The following DOK6 variants were observed in gnomAD, a reference collection of about 807,000 sequenced individuals.
The protein encoded by DOK6 is downstream of tyrosine kinase 6.
DOK6 carries 22 observed loss-of-function variants against 44.0 expected under a neutral mutation model. The ratio of observed to expected loss-of-function variants is 0.50; its 90% CI spans 0.36 to 0.71. DOK6 has a LOEUF of 0.71. Ranked by LOEUF, DOK6 falls within the 30% of genes least tolerant of loss-of-function variation. The pLI, the probability that DOK6 is intolerant of heterozygous loss-of-function variation, is 0.00. For missense variants in DOK6, 340 were observed against 416.4 expected (o/e 0.82, Z 1.60); for synonymous variants, 166 against 145.5 (o/e 1.14, Z -1.01).
At chr18:69,658,013 A>G (rs1211473718) in intron 3 of DOK6, among the ~76,000 whole-genome samples, 1 of 152,106 alleles carries the variant, frequency 6.6e-6, no homozygotes, top group Non-Finnish European at 1.5e-5. Flanking sequence ...ATGCAGTGGC[A>G]TGATCATGGC....
At chr18:69,652,019 T>C (rs996143502) in intron 3 of DOK6, among the ~76,000 whole-genome samples, 1 of 152,210 alleles carries the variant, frequency 6.6e-6, no homozygotes, top group East Asian at 1.9e-4. Context: ...CTAGTGTCCT[T>C]GTGCTTCTCT....
intron 5 of DOK6, among the ~76,000 whole-genome samples, chr18:69,717,183 A>G (rs1471230269): frequency 6.6e-6 from 1 of 152,200 alleles, no homozygotes; most frequent in Non-Finnish European, 1.5e-5. Flanking sequence ...GACTCGTTTT[A>G]TTCCATAAAC....
At chr18:69,565,511 GTGTGTGTGTGTATATATATA>G (rs1982952286) in intron 2 of DOK6, among the ~76,000 whole-genome samples, 1 of 48,568 alleles carries the variant, frequency 2.1e-5, no homozygotes, top group South Asian at 6.2e-4. Flanking sequence ...GTGTGTGTGT[GTGTGTGTGTGTATATATATA>G]TACATAATTT....
intron 3 of DOK6, among the ~76,000 whole-genome samples, chr18:69,651,678 G>A (rs780664722): frequency 1.3e-5 from 2 of 151,564 alleles, no homozygotes; most frequent in East Asian, 1.9e-4. Flanking sequence ...GAGTAAAGAC[G>A]GGGTTTCACC....
chr18:69,646,854 A>G (rs1215448454), intron 3 of DOK6, among the ~76,000 whole-genome samples: 1 of 152,110 alleles, frequency 6.6e-6, no homozygotes, highest in African/African-American at 2.4e-5. Context: ...CTATTTCTCC[A>G]TCAGGGTGGG....
intron 6 of DOK6, among the ~76,000 whole-genome samples, chr18:69,745,412 TAC>T (rs1568113582): frequency 6.6e-6 from 1 of 152,212 alleles, no homozygotes; most frequent in Non-Finnish European, 1.5e-5. Flanking sequence ...TATGACAACA[TAC>T]ACACATATAA....
At chr18:69,541,551 G>A (rs17081180) in intron 1 of DOK6, among the ~76,000 whole-genome samples, 2,856 of 151,438 alleles carry the variant, frequency 0.019, 98 homozygotes, top group African/African-American at 0.065. Context: ...TGAAATAATC[G>A]ATACTGGTCC....
Position 69,823,358 on chromosome 18 carries a change from G to A in DOK6, c.857-17886G>A, listed in dbSNP as rs184485718. On this transcript the variant is annotated intron_variant, in intron 7 of 7. Coordinates refer to ENST00000382713, the MANE Select transcript of DOK6 (RefSeq NM_152721.6). ...GTTGGGCAGGATGGTGGGGAAGAGCGTGTAAGCCTTCCTAGATAAATTCTT... is the reference window on the plus strand; with the variant it reads ...GTTGGGCAGGATGGTGGGGAAGAGCATGTAAGCCTTCCTAGATAAATTCTT... Among the ~76,000 whole-genome samples, 25 of 152,282 alleles carry A rather than the reference G, an allele frequency of 1.6e-4. 1 individual carries two copies. Among genetic ancestry groups the A allele is most frequent in the East Asian group, 1.5e-3 (8 of 5,184 alleles).
At chr18:69,546,828 G>A (rs1982418407) in intron 1 of DOK6, among the ~76,000 whole-genome samples, 1 of 151,440 alleles carries the variant, frequency 6.6e-6, no homozygotes, top group Non-Finnish European at 1.5e-5. Context: ...CTCTCTTCTA[G>A]CTGTTTTGAA....
chr18:69,443,765 G>A (rs1979201398), intron 1 of DOK6, among the ~76,000 whole-genome samples: 4 of 152,078 alleles, frequency 2.6e-5, no homozygotes, highest in Admixed American at 2.6e-4. Flanking sequence ...AGGAGTTGCT[G>A]ATAGTGGTAT....
intron 3 of DOK6, among the ~76,000 whole-genome samples, chr18:69,631,592 G>A (rs573236496): frequency 4.6e-5 from 7 of 152,140 alleles, no homozygotes; most frequent in African/African-American, 1.7e-4. Context: ...ATCATTACTG[G>A]GTGAAAAACT....
At chr18:69,483,190 C>T (rs1210318248) in intron 1 of DOK6, among the ~76,000 whole-genome samples, 1 of 151,876 alleles carries the variant, frequency 6.6e-6, no homozygotes, top group Non-Finnish European at 1.5e-5. Flanking sequence ...CCTCCAGATC[C>T]ACCCATATCC....
Position 69,494,290 on chromosome 18 carries a change from A to G in DOK6, c.67-70197A>G, listed in dbSNP as rs559945725. Among the ~76,000 whole-genome samples, 3 of 152,300 alleles carry G rather than the reference A, an allele frequency of 2.0e-5. No homozygotes were observed. In the South Asian group the frequency reaches 6.2e-4, roughly 32 times the overall value. The stretch of plus-strand genomic sequence containing the variant: ...CAGGAGTTTGAGACCAGTCTGGCCA[A>G]CATGGTGAAACTCCATCTCTACTAA... On this transcript the variant is annotated intron_variant, in intron 1 of 7. Coordinates refer to ENST00000382713, the MANE Select transcript of DOK6 (RefSeq NM_152721.6).
intron 1 of DOK6, among the ~76,000 whole-genome samples, chr18:69,473,914 A>G (rs962068955): frequency 3.3e-5 from 5 of 151,920 alleles, no homozygotes; most frequent in Non-Finnish European, 4.4e-5. Flanking sequence ...GGGTTTTTCT[A>G]TCACAGCCCT....
intron 7 of DOK6, among the ~76,000 whole-genome samples, chr18:69,759,876 T>G (rs2092755914): frequency 6.6e-6 from 1 of 152,206 alleles, no homozygotes; most frequent in Non-Finnish European, 1.5e-5. Flanking sequence ...AAATATGTAT[T>G]GACTAAGGTA....
At chr18:69,698,696 C>A in intron 5 of DOK6, 103 bp downstream of exon 5, 1 of 1,090,384 alleles carries the variant, frequency 9.2e-7, no homozygotes, top group Non-Finnish European at 1.3e-6. Context: ...CCCCAGTGAG[C>A]ACTGTTTTCA....
intron 3 of DOK6, among the ~76,000 whole-genome samples, chr18:69,666,884 C>T (rs910348798): frequency 4.6e-5 from 7 of 152,164 alleles, no homozygotes; most frequent in African/African-American, 1.7e-4. Flanking sequence ...AGGGAGCTTT[C>T]CTCTGCAGCA....
intron 1 of DOK6, among the ~76,000 whole-genome samples, chr18:69,420,235 T>A (rs62096590): frequency 0.15 from 23,021 of 151,972 alleles, 2,195 homozygotes; most frequent in East Asian, 0.32. Context: ...TAGATGTATT[T>A]GTTATATTGT....
chr18:69,684,273 T>C (rs1883724858), intron 4 of DOK6, among the ~76,000 whole-genome samples: 1 of 152,252 alleles, frequency 6.6e-6, no homozygotes, highest in African/African-American at 2.4e-5. Flanking sequence ...CCCTATACTT[T>C]GCCACAGATG....
Sources: gnomAD v4.1 joint callset for allele counts (sites outside exome capture counted in the v4.1 genomes callset) on GRCh38, gnomAD v4.1.1 for gene constraint, MANE v1.5 for transcripts, NCBI Gene and HGNC (gene_info 2026-07-23, HGNC 2026-07-21) for gene names.